Variants in CNTN4 observed in about 807,000 individuals in gnomAD.
CNTN4 encodes the protein contactin-4.
Under a neutral mutation model 122.5 loss-of-function variants are expected in CNTN4, and 77 were observed. That is an observed-to-expected ratio of 0.63 (90% CI 0.52 to 0.76). The LOEUF (loss-of-function observed/expected upper bound fraction) is 0.76. Among genes scored for constraint, CNTN4 ranks in the 30% least tolerant of loss-of-function variants. CNTN4 has a pLI of 0.00. For synonymous variants in CNTN4, 512 were observed against 447.0 expected (o/e 1.15, Z -1.83); for missense variants, 1,256 against 1,259.1 (o/e 1.00, Z 0.04).
At chr3:2,378,550 A>G (rs560003072) in intron 3 of CNTN4, among the ~76,000 whole-genome samples, 27 of 152,252 alleles carry the variant, frequency 1.8e-4, no homozygotes, top group African/African-American at 6.5e-4. Context: ...TTTTTTATTC[A>G]ACATGTTTTG....
chr3:2,522,969 A>G (rs368802846), intron 3 of CNTN4, among the ~76,000 whole-genome samples: 1 of 152,132 alleles, frequency 6.6e-6, no homozygotes, highest in Non-Finnish European at 1.5e-5. Context: ...GTATTACACT[A>G]TTTTATGCCC....
chr3:2,475,868 C>T (rs559516044), intron 3 of CNTN4, among the ~76,000 whole-genome samples: 6 of 151,832 alleles, frequency 4.0e-5, no homozygotes, highest in East Asian at 1.9e-4. Context: ...AACTCATATG[C>T]TCTACACAGT....
At chr3:2,683,108 T>C (rs2085248989) in intron 4 of CNTN4, among the ~76,000 whole-genome samples, 1 of 152,128 alleles carries the variant, frequency 6.6e-6, no homozygotes, top group African/African-American at 2.4e-5. Context: ...TTTTATAGCA[T>C]GCCCATCTCC....
intron 7 of CNTN4, among the ~76,000 whole-genome samples, chr3:2,853,220 A>T (rs1577059170): frequency 6.6e-6 from 1 of 150,814 alleles, no homozygotes; most frequent in Admixed American, 6.6e-5. Context: ...GGAGTTTTTT[A>T]TAAAATGAAT....
At chr3:2,707,792 C>G (rs572575552) in intron 4 of CNTN4, among the ~76,000 whole-genome samples, 5 of 152,034 alleles carry the variant, frequency 3.3e-5, no homozygotes, top group African/African-American at 1.2e-4. Context: ...TACCACCACA[C>G]CTGGCTCTGT....
intron 3 of CNTN4, among the ~76,000 whole-genome samples, chr3:2,432,649 T>C: frequency 6.6e-6 from 1 of 151,160 alleles, no homozygotes; most frequent in East Asian, 1.9e-4. Context: ...TGTATGTGTA[T>C]ATATATGTGT....
intron 3 of CNTN4, among the ~76,000 whole-genome samples, chr3:2,351,710 A>G (rs951603455): frequency 1.3e-5 from 2 of 152,118 alleles, no homozygotes; most frequent in African/African-American, 4.8e-5. Context: ...GACTGCATCA[A>G]CAAACTCCAG....
intron 2 of CNTN4, among the ~76,000 whole-genome samples, chr3:2,312,469 C>G (rs1322509844): frequency 6.6e-6 from 1 of 152,030 alleles, no homozygotes; most frequent in African/African-American, 2.4e-5. Context: ...CTGGTGTAAA[C>G]TTCTTAGTCA....
At chr3:2,247,594 A>T (rs1031661545) in intron 2 of CNTN4, among the ~76,000 whole-genome samples, 16 of 151,978 alleles carry the variant, frequency 1.1e-4, no homozygotes, top group African/African-American at 3.9e-4. Context: ...AACATTTTTG[A>T]TTAAAAGGAA....
Position 2,242,257 on chromosome 3 carries a change from A to G in CNTN4, c.-144-96921A>G, listed in dbSNP as rs11915735. ...AATATAAATAACAGCAGTAATGACA[A>G]CCATAATGGCCACTACCATGTCATA... On this transcript the variant is annotated intron_variant, in intron 2 of 24. Coordinates refer to ENST00000418658, the MANE Select transcript of CNTN4 (RefSeq NM_175607.3). Among the ~76,000 whole-genome samples the G allele has an allele frequency of 9.4e-3, 1,431 of 152,204 alleles. 20 individuals carry two copies. The highest frequency in any genetic ancestry group is 0.033 in the African/African-American group (1,385 of 41,544).
At chr3:2,547,769 A>C (rs2149339516) in intron 3 of CNTN4, among the ~76,000 whole-genome samples, 1 of 152,258 alleles carries the variant, frequency 6.6e-6, no homozygotes, top group South Asian at 2.1e-4. Context: ...GAGAACCATG[A>C]AACAAAGTGA....
intron 12 of CNTN4, among the ~76,000 whole-genome samples, chr3:2,913,527 C>T (rs976298629): frequency 6.6e-6 from 1 of 151,992 alleles, no homozygotes; most frequent in Non-Finnish European, 1.5e-5. Context: ...TAATATCAGA[C>T]AAAATAAACT....
At chr3:2,184,381 G>A (rs1575026368) in intron 2 of CNTN4, among the ~76,000 whole-genome samples, 1 of 152,228 alleles carries the variant, frequency 6.6e-6, no homozygotes, top group East Asian at 1.9e-4. Flanking sequence ...AGAGCCCAGA[G>A]CATGGGTGAG....
intron 2 of CNTN4, among the ~76,000 whole-genome samples, chr3:2,146,717 G>C (rs976835660): frequency 9.2e-5 from 14 of 152,102 alleles, no homozygotes; most frequent in African/African-American, 2.7e-4. Flanking sequence ...AGAGAGGTCT[G>C]GTCCCTACCC....
rs368090375 is a variant in CNTN4 at position 2,307,168 on chromosome 3, G to A, written c.-144-32010G>A. Among the ~76,000 whole-genome samples, 9 of 152,256 alleles carry A rather than the reference G, an allele frequency of 5.9e-5. No homozygotes were observed. The South Asian group carries it at 1.7e-3, about 28-fold the overall frequency. ...TGAAATAGCAAGGCCGGGCGCAGTG[G>A]CTCACGCCTGTAATCCCAGCACTTT... On this transcript the variant is annotated intron_variant, in intron 2 of 24. Coordinates refer to ENST00000418658, the MANE Select transcript of CNTN4 (RefSeq NM_175607.3).
intron 3 of CNTN4, among the ~76,000 whole-genome samples, chr3:2,391,413 A>G (rs986475095): frequency 1.1e-4 from 16 of 152,174 alleles, no homozygotes; most frequent in Non-Finnish European, 7.4e-5. Flanking sequence ...ACAATATATG[A>G]AGCCATGAGA....
At chr3:2,160,859 T>A (rs1302189445) in intron 2 of CNTN4, among the ~76,000 whole-genome samples, 1 of 152,178 alleles carries the variant, frequency 6.6e-6, no homozygotes, top group East Asian at 1.9e-4. Context: ...ATTGAACACC[T>A]TCCTTCTGTA....
At chr3:2,466,970 CTTTTTTT>C (rs60879017) in intron 3 of CNTN4, among the ~76,000 whole-genome samples, 1 of 115,812 alleles carries the variant, frequency 8.6e-6, no homozygotes, top group Non-Finnish European at 1.7e-5. Context: ...TTCTTTCTTT[CTTTTTTT>C]TTTTTTTTTT....
At chr3:3,027,131 T>C (rs1265318932) in intron 15 of CNTN4, among the ~76,000 whole-genome samples, 1 of 152,178 alleles carries the variant, frequency 6.6e-6, no homozygotes, top group Non-Finnish European at 1.5e-5. Flanking sequence ...ATCCATGTGA[T>C]ATAGTGAGAG....
Sources: allele counts gnomAD v4.1 joint callset (sites outside exome capture counted in the v4.1 genomes callset), GRCh38; gene constraint gnomAD v4.1.1; transcripts MANE v1.5; gene names NCBI Gene and HGNC (gene_info 2026-07-23, HGNC 2026-07-21).